The following SLC10A7 variants were observed in gnomAD, a reference collection of about 807,000 sequenced individuals.
SLC10A7 encodes the protein solute carrier family 10 member 7.
A neutral mutation model predicts 43.2 loss-of-function variants in SLC10A7; 29 were observed. That is an observed-to-expected ratio of 0.67 (90% confidence interval 0.50 to 0.92). The LOEUF (loss-of-function observed/expected upper bound fraction) is 0.92. Among genes scored for constraint, SLC10A7 ranks in the 40% least tolerant of loss-of-function variants. The pLI, the probability that SLC10A7 is intolerant of heterozygous loss-of-function variation, is 0.00. For missense variants in SLC10A7, 295 were observed against 403.2 expected (o/e 0.73, Z 2.30); for synonymous variants, 152 against 144.8 (o/e 1.05, Z -0.35).
At chr4:146,451,676 C>A (rs1490435620) in intron 4 of SLC10A7, among the ~76,000 whole-genome samples, 1 of 152,092 alleles carries the variant, frequency 6.6e-6, no homozygotes, top group Non-Finnish European at 1.5e-5. Flanking sequence ...TAAAATTCGA[C>A]ATCTCTTCAT....
intron 7 of SLC10A7, among the ~76,000 whole-genome samples, chr4:146,303,809 G>T (rs1731330239): frequency 1.3e-5 from 2 of 152,304 alleles, no homozygotes; most frequent in East Asian, 3.9e-4. Flanking sequence ...TCTATGACAA[G>T]AAGTTTACAG....
intron 5 of SLC10A7, among the ~76,000 whole-genome samples, chr4:146,424,669 C>CAA (rs148497613): frequency 7.2e-6 from 1 of 139,292 alleles, no homozygotes; most frequent in East Asian, 2.1e-4. Context: ...CAGAAAAAAA[C>CAA]AAAAAAAAAA....
chr4:146,395,093 G>A (rs1036222488), intron 5 of SLC10A7, among the ~76,000 whole-genome samples: 2 of 152,060 alleles, frequency 1.3e-5, no homozygotes, highest in Non-Finnish European at 2.9e-5. Flanking sequence ...TTTTGGCTGG[G>A]CACAGTAGCT....
intron 1 of SLC10A7, among the ~76,000 whole-genome samples, chr4:146,519,350 T>C (rs1261471581): frequency 6.8e-6 from 1 of 146,530 alleles, no homozygotes; most frequent in Non-Finnish European, 1.5e-5. Context: ...ATTATCTATA[T>C]ATAGAGAGAG....
chr4:146,404,469 C>T (rs1739434984), intron 5 of SLC10A7, among the ~76,000 whole-genome samples: 1 of 128,586 alleles, frequency 7.8e-6, no homozygotes, highest in East Asian at 2.2e-4. Context: ...AGGTTTGCTG[C>T]TCATTTATGT....
chr4:146,385,163 C>G (rs1737902908), intron 5 of SLC10A7, among the ~76,000 whole-genome samples: 1 of 151,958 alleles, frequency 6.6e-6, no homozygotes, highest in Admixed American at 6.6e-5. Context: ...TGCTAATACC[C>G]TAGGTTTAGG....
At chr4:146,356,045 A>T (rs1309218175) in intron 5 of SLC10A7, among the ~76,000 whole-genome samples, 3,031 of 123,890 alleles carry the variant, frequency 0.024, 99 homozygotes, top group African/African-American at 0.08. Flanking sequence ...ATAATAAAAA[A>T]AAAAAAATAT....
chr4:146,306,067 G>T, intron 6 of SLC10A7, 58 bp from the exon 7 acceptor site: 1 of 1,337,732 alleles, frequency 7.5e-7, no homozygotes, highest in South Asian at 1.6e-5. Flanking sequence ...AAGCATTAGT[G>T]TTTATAAATA....
intron 9 of SLC10A7, among the ~76,000 whole-genome samples, chr4:146,290,175 T>A (rs1730335736): frequency 6.6e-6 from 1 of 150,972 alleles, no homozygotes; most frequent in Admixed American, 6.6e-5. Context: ...ATACAAAAAA[T>A]TAGCCAGGCG....
At position 146,404,286 on chromosome 4, in the gene SLC10A7, C is replaced by T. The variant is rs1392779912; in HGVS notation, c.435+38497G>A. Among the ~76,000 whole-genome samples the T allele has an allele frequency of 2.0e-5, 3 of 152,270 alleles. No homozygotes were observed. The East Asian group carries it at 5.8e-4, about 29-fold the overall frequency. ...CCAATTGCCTCGGCCGCCCAAAGTG[C>T]TGAGATTACAGGCCTGAGCCACCAT... On this transcript the variant is annotated intron_variant, in intron 5 of 11. Transcript: ENST00000335472.
At chr4:146,293,628 G>A (rs1281973393) in intron 8 of SLC10A7, among the ~76,000 whole-genome samples, 1 of 152,038 alleles carries the variant, frequency 6.6e-6, no homozygotes, top group Non-Finnish European at 1.5e-5. Context: ...AACTAAATTG[G>A]TGACACAGTG....
Position 146,256,255 on chromosome 4 carries a change from G to A in SLC10A7, c.*236C>T. 1 of 544,096 alleles carries A rather than the reference G, an allele frequency of 1.8e-6. No homozygotes were observed. Among genetic ancestry groups the A allele is most frequent in the African/African-American group, 1.9e-5 (1 of 52,368 alleles). The allele number at this position is 544,096 out of a possible 1,614,324, so 33.7% of individuals were successfully genotyped here. ...CTTACCATGACTGATTCCTGCATTA[G>A]GAAAGCAAAATTAACCCCCAAATAT... is the stretch of plus-strand genomic sequence containing the variant. On this transcript the variant is annotated 3_prime_UTR_variant, in exon 12 of 12. Coordinates refer to ENST00000335472, the MANE Select transcript of SLC10A7 (RefSeq NM_001029998.6).
intron 5 of SLC10A7, among the ~76,000 whole-genome samples, chr4:146,355,480 G>A (rs1207182222): frequency 2.6e-5 from 4 of 151,970 alleles, no homozygotes; most frequent in Non-Finnish European, 5.9e-5. Flanking sequence ...AGTCAGTGTG[G>A]CGATTCCTCA....
chr4:146,319,472 T>G (rs2149698424), intron 6 of SLC10A7, among the ~76,000 whole-genome samples: 1 of 152,222 alleles, frequency 6.6e-6, no homozygotes, highest in East Asian at 1.9e-4. Context: ...TATTTATTTT[T>G]GTCTTCAGCA....
intron 5 of SLC10A7, among the ~76,000 whole-genome samples, chr4:146,356,499 T>A (rs1735644204): frequency 6.6e-6 from 1 of 152,016 alleles, no homozygotes; most frequent in African/African-American, 2.4e-5. Context: ...TTTTACCTTC[T>A]TCCCCTAGAT....
intron 1 of SLC10A7, among the ~76,000 whole-genome samples, chr4:146,517,659 A>G (rs551984368): frequency 6.6e-6 from 1 of 152,246 alleles, no homozygotes; most frequent in South Asian, 2.1e-4. Context: ...GTGTCTTCAG[A>G]CCAGAAGAAT....
intron 4 of SLC10A7, among the ~76,000 whole-genome samples, chr4:146,496,308 C>CA (rs1735895157): frequency 6.6e-6 from 1 of 152,114 alleles, no homozygotes; most frequent in Non-Finnish European, 1.5e-5. Flanking sequence ...TACCCTAAAG[C>CA]ATGGTGTCTT....
intron 5 of SLC10A7, among the ~76,000 whole-genome samples, chr4:146,411,761 AT>A (rs1728209763): frequency 6.6e-6 from 1 of 152,162 alleles, no homozygotes; most frequent in South Asian, 2.1e-4. Context: ...CTCTTGTTTT[AT>A]ACTGTCACTG....
At chr4:146,416,285 A>G (rs1728560921) in intron 5 of SLC10A7, among the ~76,000 whole-genome samples, 1 of 152,224 alleles carries the variant, frequency 6.6e-6, no homozygotes, top group Non-Finnish European at 1.5e-5. Context: ...TTGTCAATAG[A>G]GTAATGACCA....
Sources: allele counts gnomAD v4.1 joint callset (sites outside exome capture counted in the v4.1 genomes callset), GRCh38; gene constraint gnomAD v4.1.1; transcripts MANE v1.5; gene names NCBI Gene and HGNC (gene_info 2026-07-23, HGNC 2026-07-21).